TRAPPC9: variants seen among roughly 807,000 people sequenced by gnomAD.
The protein encoded by TRAPPC9 is trafficking protein particle complex subunit 9.
A neutral mutation model predicts 124.0 loss-of-function variants in TRAPPC9; 83 were observed. The ratio of observed to expected loss-of-function variants is 0.67; its 90% CI spans 0.56 to 0.80. The LOEUF is 0.80. Ranked by LOEUF, TRAPPC9 falls within the 30% of genes least tolerant of loss-of-function variation. The pLI is 0.00. For missense variants in TRAPPC9, 1,302 were observed against 1,508.3 expected, an observed-to-expected ratio of 0.86 and a Z score of 2.27; for synonymous variants, 638 against 617.5, an observed-to-expected ratio of 1.03 and a Z score of -0.49.
At position 140,311,311 on chromosome 8, in the gene TRAPPC9, G is replaced by C. The variant is rs1196177447; in HGVS notation, c.1559C>G (p.Pro520Arg). The change falls in exon 10 of 23, where the codon CCC (proline) becomes CGC (arginine). Residue 520 changes from proline (P) to arginine (R), a missense_variant. Coordinates refer to ENST00000438773, the MANE Select transcript of TRAPPC9 (RefSeq NM_001160372.4). ...GGTGAGGCCGCCAGGGAGGGCGATG[G>C]GCTCCATGGTCCCAGGACACTTGGA... is the stretch of plus-strand genomic sequence containing the variant. ...YTSKCPGTME[P>R]IALPGGLTLP... 1.9e-6 allele frequency: 3 copies of C among 1,613,776 alleles called. No individual in the cohort carries two copies. The highest frequency in any genetic ancestry group is 2.7e-5 in the African/African-American group (2 of 74,940).
intron 9 of TRAPPC9, among the ~76,000 whole-genome samples, chr8:140,314,269 T>C (rs988834987): frequency 2.0e-5 from 3 of 152,256 alleles, no homozygotes; most frequent in African/African-American, 7.2e-5. Flanking sequence ...TATATACCTA[T>C]GGATTTTTAT....
chr8:140,185,452 C>T (rs767619573), intron 17 of TRAPPC9, among the ~76,000 whole-genome samples: 1 of 152,252 alleles, frequency 6.6e-6, no homozygotes, highest in Non-Finnish European at 1.5e-5. Flanking sequence ...AACTGCCACG[C>T]CCAGGCAATT....
chr8:140,179,992 GATT>G (rs2062160010), intron 17 of TRAPPC9, among the ~76,000 whole-genome samples: 5 of 49,116 alleles, frequency 1.0e-4, no homozygotes, highest in African/African-American at 2.9e-4. Flanking sequence ...GTTATATCTT[GATT>G]TTTTTTTTTT....
chr8:139,750,211 G>A (rs1046250154), intron 21 of TRAPPC9, among the ~76,000 whole-genome samples: 4 of 152,020 alleles, frequency 2.6e-5, no homozygotes, highest in African/African-American at 4.8e-5. Context: ...GATGGGGCTT[G>A]AGCACCCCAA....
At chr8:139,983,644 C>T (rs1458248188) in intron 19 of TRAPPC9, among the ~76,000 whole-genome samples, 1 of 152,156 alleles carries the variant, frequency 6.6e-6, no homozygotes, top group Non-Finnish European at 1.5e-5. Flanking sequence ...ATCAAAGGCC[C>T]AGTTTGCTTC....
rs566854550 is a variant in TRAPPC9, at chr8:139,973,282, C to T, written c.2810+15444G>A. Among the ~76,000 whole-genome samples the T allele has an allele frequency of 5.9e-5, 9 of 152,296 alleles. No individual in the cohort carries two copies. The East Asian group carries it at 1.5e-3, about 26-fold the overall frequency. On this transcript the variant is annotated intron_variant, in intron 19 of 22. Coordinates refer to ENST00000438773, the MANE Select transcript of TRAPPC9 (RefSeq NM_001160372.4). ...GGGGTCAGGCCCCGCACCGTATCAC[C>T]CCAGCAGCAGGGTGGCCACGGGCCA...
chr8:140,457,823 G>C, upstream of TRAPPC9: 4 of 1,067,004 alleles, frequency 3.7e-6, no homozygotes, highest in Non-Finnish European at 4.5e-6. Context: ...TTTTGCAAGA[G>C]ACGCGAGGGA....
chr8:139,731,273 G>A, intron 22 of TRAPPC9, 45 bp from the exon 23 acceptor site: 1 of 1,605,812 alleles, frequency 6.2e-7, no homozygotes, highest in Non-Finnish European at 8.5e-7. Context: ...CAGCAGCAGG[G>A]GCCACCCAAA....
In TRAPPC9 at chr8:139,788,443, G is replaced by A. The variant is rs552531993; in HGVS notation, c.3056-56241C>T. 6.6e-6 allele frequency among the ~76,000 whole-genome samples: 1 copy of A among 152,350 alleles called. No individual in the cohort carries two copies. Among genetic ancestry groups the A allele is most frequent in the Non-Finnish European group, 1.5e-5 (1 of 68,032 alleles). Reference sequence around the variant, plus strand: ...ATGGCGGCTGCTGGGGAGGGAGAGCGGGAGCTGCGGAGGATCCCAGCCTGG... The same window carrying A: ...ATGGCGGCTGCTGGGGAGGGAGAGCAGGAGCTGCGGAGGATCCCAGCCTGG... On this transcript the variant is annotated intron_variant, in intron 21 of 22. Coordinates refer to ENST00000438773, the MANE Select transcript of TRAPPC9 (RefSeq NM_001160372.4). The surrounding 1 kb of genome is among the most constrained non-coding windows in gnomAD (Gnocchi z 4.9).
chr8:139,778,435 A>G (rs116535155), intron 21 of TRAPPC9, among the ~76,000 whole-genome samples: 1,542 of 152,354 alleles, frequency 0.01, 37 homozygotes, highest in African/African-American at 0.035. Context: ...GCAAAGAAAC[A>G]GAAAAATATG....
At position 139,977,479 on chromosome 8, in the gene TRAPPC9, G is replaced by A. The variant is rs182798933; in HGVS notation, c.2810+11247C>T. 1.2e-3 allele frequency among the ~76,000 whole-genome samples: 178 copies of A among 151,736 alleles called. 3 individuals are homozygous for A. Among genetic ancestry groups the A allele is most frequent in the African/African-American group, 3.8e-3 (159 of 41,440 alleles). Reference sequence around the variant, plus strand: ...TAAAAATACAAAAAATTAGCCGGGCGTGGTGGCGGGCGCCTGTAGTCCCAG... The same window carrying A: ...TAAAAATACAAAAAATTAGCCGGGCATGGTGGCGGGCGCCTGTAGTCCCAG... On this transcript the variant is annotated intron_variant, in intron 19 of 22. Coordinates refer to ENST00000438773, the MANE Select transcript of TRAPPC9 (RefSeq NM_001160372.4).
intron 5 of TRAPPC9, among the ~76,000 whole-genome samples, chr8:140,425,563 A>C (rs2070392129): frequency 6.6e-6 from 1 of 151,988 alleles, no homozygotes; most frequent in African/African-American, 2.4e-5. Flanking sequence ...TATAGCTCTA[A>C]GCTACTTCTA....
chr8:140,073,466 G>A (rs1843305272), intron 17 of TRAPPC9, among the ~76,000 whole-genome samples: 1 of 152,204 alleles, frequency 6.6e-6, no homozygotes, highest in African/African-American at 2.4e-5. Context: ...CTTATGCTGA[G>A]GTGCCTATTA....
intron 19 of TRAPPC9, among the ~76,000 whole-genome samples, chr8:139,947,924 CGAGAGAGA>C (rs59675753): frequency 1.2e-5 from 1 of 83,470 alleles, no homozygotes; most frequent in Non-Finnish European, 2.3e-5. Context: ...AGAGAGAGAG[CGAGAGAGA>C]GAGAGAGAGA....
chr8:140,444,136 T>C (rs2071152773), intron 2 of TRAPPC9, among the ~76,000 whole-genome samples: 5 of 136,410 alleles, frequency 3.7e-5, no homozygotes. Flanking sequence ...TGCTTGAACC[T>C]GGGATGCAGA....
At chr8:139,935,089 T>C (rs2131405518) in intron 19 of TRAPPC9, among the ~76,000 whole-genome samples, 1 of 152,214 alleles carries the variant, frequency 6.6e-6, no homozygotes, top group East Asian at 1.9e-4. Flanking sequence ...TCCCGGTACG[T>C]GATCTCATGG....
chr8:140,055,330 A>G (rs929791478), intron 17 of TRAPPC9, among the ~76,000 whole-genome samples: 2 of 152,208 alleles, frequency 1.3e-5, no homozygotes, highest in African/African-American at 4.8e-5. Flanking sequence ...CTTTCATAAC[A>G]AAAACTCTCA....
intron 19 of TRAPPC9, among the ~76,000 whole-genome samples, chr8:139,959,920 G>A (rs1835261658): frequency 2.0e-5 from 3 of 152,192 alleles, no homozygotes; most frequent in African/African-American, 7.2e-5. Flanking sequence ...CCTTAAGTTA[G>A]GTCACAACCC....
rs1011418584 is a variant in TRAPPC9 at position 139,979,602 on chromosome 8, C to T, written c.2810+9124G>A. Among the ~76,000 whole-genome samples, 9 of 152,084 alleles carry T rather than the reference C, an allele frequency of 5.9e-5. No homozygotes were observed. In the South Asian group the frequency reaches 1.9e-3, roughly 32 times the overall value. On this transcript the variant is annotated intron_variant, in intron 19 of 22. Transcript: ENST00000438773. ...GACAGGCACCCCTCTTTAGTAAAGA[C>T]CCCCGGGTGATGACAACACACAGCA...
Sources: gnomAD v4.1 joint callset for allele counts (sites outside exome capture counted in the v4.1 genomes callset) on GRCh38, gnomAD v4.1.1 for gene constraint, Gnocchi (gnomAD v3.1) non-coding constraint, MANE v1.5 for transcripts, NCBI Gene and HGNC (gene_info 2026-07-23, HGNC 2026-07-21) for gene names.